Variants in COL10A1 observed in about 807,000 individuals in gnomAD.
COL10A1 encodes collagen type X alpha 1 chain, also known as collagen alpha-1(X) chain.
Under a neutral mutation model 18.2 loss-of-function variants are expected in COL10A1, and 10 were observed. The ratio of observed to expected loss-of-function variants is 0.55; its 90% CI spans 0.34 to 0.93. The LOEUF is 0.93. Ranked by LOEUF, COL10A1 falls within the 40% of genes least tolerant of loss-of-function variation. COL10A1 has a pLI of 0.02. For synonymous variants in COL10A1, 330 were observed against 316.6 expected, an observed-to-expected ratio of 1.04 and a Z score of -0.45; for missense variants, 897 against 853.5, an observed-to-expected ratio of 1.05 and a Z score of -0.64.
upstream of COL10A1, among the ~76,000 whole-genome samples, chr6:116,130,228 C>T (rs187031770): frequency 3.3e-5 from 5 of 152,260 alleles, no homozygotes; most frequent in African/African-American, 9.6e-5. Context: ...CCTTTACCAG[C>T]ATTTAGAACA....
At chr6:116,126,468 G>T (rs186019216), upstream of COL10A1, among the ~76,000 whole-genome samples, 188 of 152,022 alleles carry the variant, frequency 1.2e-3, 2 homozygotes, top group Non-Finnish European at 4.0e-4. Flanking sequence ...TATGTTAATT[G>T]GTTGATATTA....
chr6:116,208,754 A>G, the COL10A1 span, among the ~76,000 whole-genome samples: 1 of 152,144 alleles, frequency 6.6e-6, no homozygotes, highest in African/African-American at 2.4e-5. Flanking sequence ...GTGAGCCTGA[A>G]AACATCTTAT....
At chr6:116,141,142 T>G (rs1779754734) in intron 1 of COL10A1, among the ~76,000 whole-genome samples, 1 of 152,156 alleles carries the variant, frequency 6.6e-6, no homozygotes, top group African/African-American at 2.4e-5. Flanking sequence ...CTGTCTCATT[T>G]TATTGTATTT....
At chr6:116,150,485 A>C (rs527930046) in intron 1 of COL10A1, among the ~76,000 whole-genome samples, 8 of 152,166 alleles carry the variant, frequency 5.3e-5, no homozygotes, top group Admixed American at 5.2e-4. Context: ...GGGTTTTACC[A>C]TGTTGGCCAG....
chr6:116,124,700 C>G (rs1779238906), intron 2 of COL10A1, among the ~76,000 whole-genome samples: 1 of 152,144 alleles, frequency 6.6e-6, no homozygotes, highest in African/African-American at 2.4e-5. Flanking sequence ...CATGGGAGGA[C>G]AAGTAACTTA....
intron 1 of COL10A1, among the ~76,000 whole-genome samples, chr6:116,140,103 G>A (rs574456050): frequency 7.2e-5 from 11 of 152,238 alleles, no homozygotes; most frequent in South Asian, 6.2e-4. Context: ...GTGGCAGAGC[G>A]GAGAGTTGAA....
chr6:116,174,350 T>A, the COL10A1 span, among the ~76,000 whole-genome samples: 7 of 152,298 alleles, frequency 4.6e-5, no homozygotes, highest in East Asian at 1.4e-3. Flanking sequence ...CCGTAAGAAA[T>A]ATCATAGACA....
the COL10A1 span, among the ~76,000 whole-genome samples, chr6:116,178,884 A>C: frequency 6.6e-6 from 1 of 152,280 alleles, no homozygotes; most frequent in Non-Finnish European, 1.5e-5. Context: ...CTTTAAGCAA[A>C]ATTTCTTTTA....
At chr6:116,209,207 T>C in the COL10A1 span, among the ~76,000 whole-genome samples, 1 of 152,018 alleles carries the variant, frequency 6.6e-6, no homozygotes, top group Non-Finnish European at 1.5e-5. Context: ...AGATAGTAAA[T>C]ATTATAGGCT....
rs139214069 is a variant in COL10A1, at chr6:116,150,233, C to T, written c.-16+8381G>A. ...TCACATGGAGAGCATGCTGAGGGAG[C>T]CCATGGCCACTGACAGATCAGTTAA... On this transcript the variant is annotated intron_variant, in intron 1 of 1. Transcript: ENST00000418500. Among the ~76,000 whole-genome samples, 302 of 152,010 alleles carry T rather than the reference C, an allele frequency of 2.0e-3. 1 individual carries two copies. The highest frequency in any genetic ancestry group is 4.8e-3 in the South Asian group (23 of 4,798).
At chr6:116,192,082 G>C in the COL10A1 span, among the ~76,000 whole-genome samples, 9 of 151,986 alleles carry the variant, frequency 5.9e-5, no homozygotes, top group African/African-American at 1.9e-4. Flanking sequence ...TTAATATCAT[G>C]ATTAAGAATT....
At chr6:116,193,040 C>T in the COL10A1 span, among the ~76,000 whole-genome samples, 1 of 152,174 alleles carries the variant, frequency 6.6e-6, no homozygotes, top group East Asian at 1.9e-4. Context: ...TATGTAAATG[C>T]AGCATTACTA....
intron 2 of COL10A1, among the ~76,000 whole-genome samples, chr6:116,122,953 C>T (rs987448575): frequency 6.6e-6 from 1 of 151,628 alleles, no homozygotes. Context: ...AAAAGATTTC[C>T]GTATATTAAA....
chr6:116,160,572 G>A (rs765220181), upstream of COL10A1, among the ~76,000 whole-genome samples: 2 of 151,926 alleles, frequency 1.3e-5, no homozygotes, highest in African/African-American at 2.4e-5. Flanking sequence ...TCTGTATATT[G>A]TCTATTTGCT....
At chr6:116,125,537 A>G (rs1562127525) in intron 1 of COL10A1, 30 bp from the exon 2 acceptor site, 1 of 1,594,694 alleles carries the variant, frequency 6.3e-7, no homozygotes, top group African/African-American at 1.3e-5. Flanking sequence ...AACTTTATAC[A>G]GCATTGTTAT....
intron 1 of COL10A1, among the ~76,000 whole-genome samples, chr6:116,153,508 T>G (rs1423293037): frequency 6.6e-6 from 1 of 152,178 alleles, no homozygotes; most frequent in East Asian, 1.9e-4. Context: ...AATTTTTAGT[T>G]ATAAACATTT....
upstream of COL10A1, among the ~76,000 whole-genome samples, chr6:116,163,551 T>A (rs191920116): frequency 6.6e-6 from 1 of 152,212 alleles, no homozygotes; most frequent in African/African-American, 2.4e-5. Flanking sequence ...CAATTTTTGT[T>A]TATCTTCTTA....
intron 1 of COL10A1, among the ~76,000 whole-genome samples, chr6:116,140,558 C>T (rs1779741222): frequency 6.6e-6 from 1 of 152,102 alleles, no homozygotes; most frequent in South Asian, 2.1e-4. Flanking sequence ...TTAACATTAG[C>T]ATTCTTTTTG....
At chr6:116,166,065 T>C in the COL10A1 span, among the ~76,000 whole-genome samples, 12 of 152,204 alleles carry the variant, frequency 7.9e-5, no homozygotes, top group African/African-American at 2.9e-4. Flanking sequence ...AAAGGCTCCC[T>C]GACAATTTGG....
Sources: gnomAD v4.1 joint callset for allele counts (sites outside exome capture counted in the v4.1 genomes callset) on GRCh38, gnomAD v4.1.1 for gene constraint, MANE v1.5 for transcripts, NCBI Gene and HGNC (gene_info 2026-07-23, HGNC 2026-07-21) for gene names.